TP53BP2: variants seen among roughly 807,000 people sequenced by gnomAD.
TP53BP2 encodes apoptosis-stimulating of p53 protein 2.
Under a neutral mutation model 126.2 loss-of-function variants are expected in TP53BP2, and 62 were observed. The ratio of observed to expected loss-of-function variants is 0.49; its 90% confidence interval spans 0.40 to 0.61. The LOEUF (loss-of-function observed/expected upper bound fraction) is 0.61, where lower values mean the gene tolerates loss of function less well. TP53BP2 is among the 20% of genes least tolerant of loss of function. The pLI, the probability that TP53BP2 is intolerant of heterozygous loss-of-function variation, is 0.00. For missense variants in TP53BP2, 1,215 were observed against 1,402.8 expected (o/e 0.87, Z 2.14); for synonymous variants, 485 against 502.9 (o/e 0.96, Z 0.48).
chr1:223,809,098 C>T (rs961815009), intron 4 of TP53BP2, among the ~76,000 whole-genome samples: 4 of 152,042 alleles, frequency 2.6e-5, no homozygotes, highest in Non-Finnish European at 5.9e-5. Context: ...AATAGAAACA[C>T]AGTCTCACTT....
Position 223,793,296 on chromosome 1 carries a change from A to G in TP53BP2, c.2862+7T>C. ...CAAAAAAAAAAATTTACTAATTATA[A>G]TCATACCTCATAAATAATTCTCTGT... On this transcript the variant is annotated splice_region_variant and intron_variant, in intron 14 of 17. Coordinates refer to ENST00000343537, the MANE Select transcript of TP53BP2 (RefSeq NM_001031685.3). 1 of 1,578,726 alleles carries G rather than the reference A, an allele frequency of 6.3e-7. No homozygotes were observed. The highest frequency in any genetic ancestry group is 8.6e-7 in the Non-Finnish European group (1 of 1,166,946).
At chr1:223,836,522 C>T (rs562749067) in intron 1 of TP53BP2, among the ~76,000 whole-genome samples, 10 of 152,252 alleles carry the variant, frequency 6.6e-5, no homozygotes, top group African/African-American at 1.9e-4. Context: ...CACTGGGCTA[C>T]ACAATAAAGA....
rs748837128 is a variant in TP53BP2, at chr1:223,798,693, A to G, written c.1486-16T>C. ...TATTTGCAACCTATAACACACACAT[A>G]AAAAGCCAGTTAAAATACTATATAA... On this transcript the variant is annotated splice_polypyrimidine_tract_variant and intron_variant, in intron 11 of 17. Transcript: ENST00000343537. The G allele has an allele frequency of 6.4e-7, 1 of 1,565,968 alleles. No homozygotes were observed. Among genetic ancestry groups the G allele is most frequent in the South Asian group, 1.2e-5 (1 of 83,634 alleles).
At chr1:223,824,764 G>A (rs916254512) in intron 1 of TP53BP2, among the ~76,000 whole-genome samples, 1 of 152,004 alleles carries the variant, frequency 6.6e-6, no homozygotes, top group Non-Finnish European at 1.5e-5. Flanking sequence ...AGCCTACAAG[G>A]TCTGCTGTAG....
At chr1:223,800,833 C>A (rs1662505008) in intron 9 of TP53BP2, 23 bp from the exon 10 acceptor site, 1 of 1,517,714 alleles carries the variant, frequency 6.6e-7, no homozygotes, top group Non-Finnish European at 9.0e-7. Context: ...AAAGCAGCTA[C>A]AAATAACTCA....
chr1:223,797,093 A>C (rs1662350676), intron 12 of TP53BP2, among the ~76,000 whole-genome samples: 2 of 151,700 alleles, frequency 1.3e-5, no homozygotes, highest in African/African-American at 2.4e-5. Flanking sequence ...AAATTATCTA[A>C]TTCCCAAATT....
intron 12 of TP53BP2, 23 bp downstream of exon 12, chr1:223,798,192 C>A: frequency 6.3e-7 from 1 of 1,598,694 alleles, no homozygotes; most frequent in Non-Finnish European, 8.5e-7. Context: ...AAGCACGTCA[C>A]CTATGAACGT....
chr1:223,793,343 A>G lies in TP53BP2; in HGVS notation c.2822T>C (p.Leu941Ser). 1 of 1,611,520 alleles carries G rather than the reference A, an allele frequency of 6.2e-7. No homozygotes were observed. Among genetic ancestry groups the G allele is most frequent in the Non-Finnish European group, 8.5e-7 (1 of 1,178,948 alleles). ...CTGTACAAGGTCAAATTCTCCCTCCAAAGACGAATCTAGCAGTAAAGCAAG... is the reference window on the plus strand; with the variant it reads ...CTGTACAAGGTCAAATTCTCCCTCCGAAGACGAATCTAGCAGTAAAGCAAG... ...NPLALLLDSS[L>S]EGEFDLVQRI... is the part of the protein sequence containing the mutation. Residue 941 changes from leucine (L) to serine (S), a missense_variant, in exon 14 of 18, where the codon TTG (leucine) becomes TCG (serine). Transcript: ENST00000343537.
chr1:223,837,671 A>G (rs1456681889), intron 1 of TP53BP2, among the ~76,000 whole-genome samples: 1 of 152,128 alleles, frequency 6.6e-6, no homozygotes, highest in Non-Finnish European at 1.5e-5. Flanking sequence ...CTTTCTGTAG[A>G]CTTTCCTACT....
At chr1:223,818,759 AG>A (rs1277351615) in intron 2 of TP53BP2, among the ~76,000 whole-genome samples, 1 of 151,340 alleles carries the variant, frequency 6.6e-6, no homozygotes, top group East Asian at 2.1e-4. Flanking sequence ...ATTTTACTTT[AG>A]TAGAGGCGGG....
chr1:223,829,829 T>C (rs1347381257), intron 1 of TP53BP2, among the ~76,000 whole-genome samples: 2 of 152,042 alleles, frequency 1.3e-5, no homozygotes, highest in East Asian at 1.9e-4. Context: ...TCTTGCTTAC[T>C]TGGTAACAGA....
At chr1:223,845,512 C>G (rs1571884231) in intron 1 of TP53BP2, 142 bp downstream of exon 1, 9 of 961,434 alleles carry the variant, frequency 9.4e-6, no homozygotes, top group Non-Finnish European at 1.1e-5. Flanking sequence ...GAAACCCGCT[C>G]GAAGCTCGGA....
At chr1:223,827,045 C>T (rs189128995) in intron 1 of TP53BP2, among the ~76,000 whole-genome samples, 7 of 152,216 alleles carry the variant, frequency 4.6e-5, no homozygotes, top group African/African-American at 1.4e-4. Flanking sequence ...TTGGGAAGGG[C>T]CCACAGAATG....
intron 1 of TP53BP2, among the ~76,000 whole-genome samples, chr1:223,824,089 A>G (rs942858903): frequency 4.6e-5 from 7 of 152,196 alleles, no homozygotes; most frequent in African/African-American, 1.7e-4. Context: ...AGACTCAGAT[A>G]AGTGATCTAT....
chr1:223,813,382 C>G (rs1662980422), intron 3 of TP53BP2, among the ~76,000 whole-genome samples: 1 of 152,142 alleles, frequency 6.6e-6, no homozygotes, highest in African/African-American at 2.4e-5. Context: ...TTTTTGACCA[C>G]TATTTCCTTT....
intron 13 of TP53BP2, among the ~76,000 whole-genome samples, chr1:223,794,646 G>A (rs749607377): frequency 2.0e-5 from 3 of 152,206 alleles, no homozygotes; most frequent in Non-Finnish European, 4.4e-5. Context: ...ACAAGTGGCT[G>A]TAACGTGGAT....
At chr1:223,804,056 G>A in intron 6 of TP53BP2, 118 bp downstream of exon 6, 4 of 1,040,100 alleles carry the variant, frequency 3.8e-6, no homozygotes, top group Non-Finnish European at 5.6e-6. Context: ...GGCTGAGGTG[G>A]GAGGATCACT....
chr1:223,831,480 A>AAAATAT lies in TP53BP2; in HGVS notation c.28-10114_28-10113insATATTT, dbSNP rs1287271743. Among the ~76,000 whole-genome samples, 20 of 32,450 alleles carry AAAATAT rather than the reference A, an allele frequency of 6.2e-4. No individual in the cohort carries two copies. In the East Asian group the frequency reaches 8.4e-3, roughly 14 times the overall value. 21.3% of individuals were successfully genotyped at this position (32,450 alleles called of 152,430 possible). A position where few individuals can be genotyped will look rare whatever the true frequency, so the allele number is the denominator to read the frequency against. ...TATGTACCATCTAAAAAAAAAAAAAAATATATATATATATATATATATATA... is the reference window on the plus strand; with the variant it reads ...TATGTACCATCTAAAAAAAAAAAAAAAAATATATATATATATATATATATATATATA... On this transcript the variant is annotated intron_variant, in intron 1 of 17. Transcript: ENST00000343537.
intron 16 of TP53BP2, among the ~76,000 whole-genome samples, chr1:223,785,961 A>G (rs909335817): frequency 2.0e-5 from 3 of 152,156 alleles, no homozygotes; most frequent in African/African-American, 4.8e-5. Flanking sequence ...ACAAGTACCA[A>G]AATGTTCACA....
Sources: gnomAD v4.1 joint callset for allele counts (sites outside exome capture counted in the v4.1 genomes callset) on GRCh38, gnomAD v4.1.1 for gene constraint, MANE v1.5 for transcripts, NCBI Gene and HGNC (gene_info 2026-07-23, HGNC 2026-07-21) for gene names.